Variants in PXDNL observed in about 807,000 individuals in gnomAD.
PXDNL encodes the protein probable oxidoreductase PXDNL.
PXDNL carries 145 observed loss-of-function variants against 150.8 expected under a neutral mutation model. That is an observed-to-expected ratio of 0.96 (90% CI 0.84 to 1.10). The LOEUF (loss-of-function observed/expected upper bound fraction) is 1.10, where lower values mean the gene tolerates loss of function less well. PXDNL is among the 50% of genes least tolerant of loss of function. PXDNL has a pLI of 0.00. For missense variants in PXDNL, 2,087 were observed against 1,873.9 expected, an observed-to-expected ratio of 1.11 and a Z score of -2.10; for synonymous variants, 757 against 725.7, an observed-to-expected ratio of 1.04 and a Z score of -0.69.
chr8:51,577,278 A>G (rs1813076187), intron 3 of PXDNL, among the ~76,000 whole-genome samples: 2 of 151,792 alleles, frequency 1.3e-5, no homozygotes, highest in African/African-American at 4.8e-5. Flanking sequence ...TGAGCAATAT[A>G]TTTAAGAATT....
At chr8:51,404,361 A>G (rs1018489681) in intron 17 of PXDNL, among the ~76,000 whole-genome samples, 1 of 152,026 alleles carries the variant, frequency 6.6e-6, no homozygotes, top group African/African-American at 2.4e-5. Context: ...CAGGGTGCTG[A>G]TTGGTGTGTT....
At chr8:51,487,963 C>T (rs1254634562) in intron 5 of PXDNL, among the ~76,000 whole-genome samples, 2 of 152,138 alleles carry the variant, frequency 1.3e-5, no homozygotes, top group Non-Finnish European at 2.9e-5. Context: ...GTGCAGTCTG[C>T]AGATAAAGTC....
chr8:51,747,999 C>T (rs1032615254), intron 1 of PXDNL, among the ~76,000 whole-genome samples: 15 of 152,140 alleles, frequency 9.9e-5, no homozygotes, highest in Admixed American at 9.8e-4. Context: ...GCAGCAATAA[C>T]AGTACCTCTA....
chr8:51,561,200 G>A lies in PXDNL; in HGVS notation c.309-4289C>T, dbSNP rs566437373. Among the ~76,000 whole-genome samples, 40 of 151,940 alleles carry A rather than the reference G, an allele frequency of 2.6e-4. 2 individuals carry two copies. Among genetic ancestry groups the A allele is most frequent in the Admixed American group, 7.2e-4 (11 of 15,226 alleles). ...GCCACTATGAAAAACTGTATGGAGA[G>A]TCCTTAAAAATTAAAAATTCAATTA... On this transcript the variant is annotated intron_variant, in intron 3 of 22. Coordinates refer to ENST00000356297, the MANE Select transcript of PXDNL (RefSeq NM_144651.5).
intron 16 of PXDNL, among the ~76,000 whole-genome samples, chr8:51,409,877 G>T (rs987405348): frequency 6.6e-6 from 1 of 151,978 alleles, no homozygotes; most frequent in Non-Finnish European, 1.5e-5. Context: ...AGAAGACCCG[G>T]GATTACTTTT....
At chr8:51,808,025 AAAATT>A (rs1226115218) in intron 1 of PXDNL, among the ~76,000 whole-genome samples, 5 of 152,270 alleles carry the variant, frequency 3.3e-5, no homozygotes, top group Non-Finnish European at 5.9e-5. Context: ...GCATGCATAT[AAAATT>A]AATGAAATGC....
chr8:51,492,743 C>T (rs1272335687), intron 5 of PXDNL, among the ~76,000 whole-genome samples: 3 of 152,150 alleles, frequency 2.0e-5, no homozygotes, highest in African/African-American at 7.2e-5. Context: ...GGAGGGGCGC[C>T]TGCGATTGCC....
rs558104711 is a variant in PXDNL at position 51,571,737 on chromosome 8, G to T, written c.309-14826C>A. On this transcript the variant is annotated intron_variant, in intron 3 of 22. Transcript: ENST00000356297. ...AAATGTGAGTTTTGACTCAGTTATG[G>T]AATGCTCAGAATATTAAGCTTATTT... 5.9e-5 allele frequency among the ~76,000 whole-genome samples: 9 copies of T among 151,906 alleles called. No homozygotes were observed. The South Asian group carries it at 1.9e-3, about 31-fold the overall frequency.
chr8:51,361,853 T>C (rs1389211109), intron 19 of PXDNL, among the ~76,000 whole-genome samples: 2 of 139,866 alleles, frequency 1.4e-5, no homozygotes, highest in Admixed American at 8.2e-5. Flanking sequence ...TCCCAGCTAC[T>C]TGGGAGGCTG....
intron 1 of PXDNL, among the ~76,000 whole-genome samples, chr8:51,692,455 A>G (rs956064093): frequency 2.6e-5 from 4 of 152,244 alleles, no homozygotes; most frequent in African/African-American, 4.8e-5. Flanking sequence ...TAAGTTTTAC[A>G]TGAGGAAAGT....
intron 4 of PXDNL, among the ~76,000 whole-genome samples, chr8:51,556,302 C>G (rs1441934752): frequency 6.6e-6 from 1 of 151,902 alleles, no homozygotes; most frequent in Non-Finnish European, 1.5e-5. Flanking sequence ...ATAATACAGA[C>G]TCATAATTTG....
intron 4 of PXDNL, among the ~76,000 whole-genome samples, chr8:51,541,836 C>T (rs1812223133): frequency 6.6e-6 from 1 of 151,818 alleles, no homozygotes; most frequent in Non-Finnish European, 1.5e-5. Context: ...GACCACAGCC[C>T]CTTGCAGCCT....
intron 2 of PXDNL, among the ~76,000 whole-genome samples, chr8:51,628,389 C>CTT (rs1814408825): frequency 1.1e-5 from 1 of 92,492 alleles, no homozygotes; most frequent in Non-Finnish European, 2.2e-5. Context: ...TCTCTGTTTT[C>CTT]TTTTCTTTTC....
At chr8:51,639,426 A>T (rs1186850005) in intron 2 of PXDNL, among the ~76,000 whole-genome samples, 2 of 152,196 alleles carry the variant, frequency 1.3e-5, no homozygotes, top group Admixed American at 6.5e-5. Context: ...TGGTTTTTTG[A>T]AAAGATAAAC....
chr8:51,775,804 A>G (rs1023515938), intron 1 of PXDNL, among the ~76,000 whole-genome samples: 4 of 152,216 alleles, frequency 2.6e-5, no homozygotes, highest in African/African-American at 9.7e-5. Flanking sequence ...GGCACCTTGA[A>G]AAAAGAACAG....
chr8:51,745,368 A>C (rs989470359), intron 1 of PXDNL, among the ~76,000 whole-genome samples: 12 of 152,248 alleles, frequency 7.9e-5, no homozygotes, highest in African/African-American at 2.7e-4. Flanking sequence ...TCCAACAAAC[A>C]AATAACAACA....
At chr8:51,796,546 C>T (rs113117289) in intron 1 of PXDNL, among the ~76,000 whole-genome samples, 1 of 152,098 alleles carries the variant, frequency 6.6e-6, no homozygotes, top group Non-Finnish European at 1.5e-5. Flanking sequence ...CTATAAACAC[C>T]TCTATGCAAA....
At chr8:51,692,996 A>C (rs983715345) in intron 1 of PXDNL, among the ~76,000 whole-genome samples, 1 of 152,240 alleles carries the variant, frequency 6.6e-6, no homozygotes, top group African/African-American at 2.4e-5. Flanking sequence ...TTCAATCATT[A>C]TTCTTGCTGG....
At chr8:51,374,242 C>A (rs199992689) in intron 18 of PXDNL, among the ~76,000 whole-genome samples, 2,825 of 152,290 alleles carry the variant, frequency 0.019, 37 homozygotes, top group Non-Finnish European at 0.028. Flanking sequence ...GTTACTCACA[C>A]TTTACAGATG....
Sources: gnomAD v4.1 joint callset for allele counts (sites outside exome capture counted in the v4.1 genomes callset) on GRCh38, gnomAD v4.1.1 for gene constraint, MANE v1.5 for transcripts, NCBI Gene and HGNC (gene_info 2026-07-23, HGNC 2026-07-21) for gene names.